Variants in FAM135B observed in about 807,000 individuals in gnomAD.
The protein encoded by FAM135B is protein FAM135B.
Under a neutral mutation model 127.7 loss-of-function variants are expected in FAM135B, and 43 were observed. The observed-to-expected ratio is 0.34, with a 90% CI of 0.26 to 0.43. The LOEUF (loss-of-function observed/expected upper bound fraction) is 0.43, where lower values mean the gene tolerates loss of function less well. FAM135B is among the 20% of genes least tolerant of loss of function. The pLI is 1.00. For synonymous variants in FAM135B, 670 were observed against 665.1 expected (o/e 1.01, Z -0.11); for missense variants, 1,558 against 1,725.6 (o/e 0.90, Z 1.72).
At chr8:138,475,925 G>A (rs1814404660) in intron 1 of FAM135B, among the ~76,000 whole-genome samples, 1 of 152,134 alleles carries the variant, frequency 6.6e-6, no homozygotes, top group Non-Finnish European at 1.5e-5. Context: ...GTTTATAGTA[G>A]CTTTATTCAT....
intron 3 of FAM135B, among the ~76,000 whole-genome samples, chr8:138,300,434 A>G (rs1825803074): frequency 6.6e-6 from 1 of 152,054 alleles, no homozygotes; most frequent in African/African-American, 2.4e-5. Flanking sequence ...GTTCCTTTTC[A>G]AGATTACAGT....
rs142957578 is a variant in FAM135B at position 138,192,515 on chromosome 8, T to C, written c.873+2743A>G. 1.3e-4 allele frequency among the ~76,000 whole-genome samples: 20 copies of C among 152,272 alleles called. No individual in the cohort carries two copies. In the East Asian group the frequency reaches 3.5e-3, roughly 26 times the overall value. Reference sequence around the variant, plus strand: ...TGCTTCTGTGGAATAATATCACTATTGTAAAACCTAAGATCAGTGCTCGAG... The same window carrying C: ...TGCTTCTGTGGAATAATATCACTATCGTAAAACCTAAGATCAGTGCTCGAG... On this transcript the variant is annotated intron_variant, in intron 9 of 19. Coordinates refer to ENST00000395297, the MANE Select transcript of FAM135B (RefSeq NM_015912.4).
rs532099055 is a variant in FAM135B, at chr8:138,143,231, T to A, written c.3541-122A>T. On this transcript the variant is annotated intron_variant, in intron 15 of 19. Transcript: ENST00000395297. The stretch of plus-strand genomic sequence containing the variant: ...ACTGGGGATGTGCCTACCTCTGATG[T>A]TACGGCTACAGGATAAGATATGACT... 8.3e-5 allele frequency: 52 copies of A among 624,256 alleles called. 2 individuals are homozygous for A. In the South Asian group the frequency reaches 9.8e-4, roughly 12 times the overall value. The allele number at this position is 624,256 out of a possible 1,614,324, so 38.7% of individuals were successfully genotyped here.
chr8:138,492,467 C>T (rs1160664850), intron 1 of FAM135B, among the ~76,000 whole-genome samples: 3 of 152,110 alleles, frequency 2.0e-5, no homozygotes, highest in Admixed American at 6.5e-5. Context: ...TGTTGGATCT[C>T]GCTAACCTGG....
At chr8:138,234,411 C>T (rs1820118214) in intron 7 of FAM135B, among the ~76,000 whole-genome samples, 1 of 152,176 alleles carries the variant, frequency 6.6e-6, no homozygotes, top group African/African-American at 2.4e-5. Flanking sequence ...GAGAAATCTG[C>T]ACTCCCTTGT....
chr8:138,132,242 A>T lies in FAM135B; in HGVS notation c.*351T>A, dbSNP rs1816272431. The T allele has an allele frequency of 1.2e-5, 3 of 257,854 alleles. No homozygotes were observed. Among genetic ancestry groups the T allele is most frequent in the African/African-American group, 6.7e-5 (3 of 44,798 alleles). The allele number at this position is 257,854 out of a possible 1,614,324, so 16.0% of individuals were successfully genotyped here. A position where few individuals can be genotyped will look rare whatever the true frequency, so the allele number is the denominator to read the frequency against. On this transcript the variant is annotated 3_prime_UTR_variant, in exon 20 of 20. Coordinates refer to ENST00000395297, the MANE Select transcript of FAM135B (RefSeq NM_015912.4). This position sits in a 1 kb window ranked among gnomAD's most constrained non-coding sequence, Gnocchi z 4.5. Reference sequence around the variant, plus strand: ...CTATAAGCTAGTAACATATTCGGCAAGTCTAGTTAAATTGGAGTAATCTCT... The same window carrying T: ...CTATAAGCTAGTAACATATTCGGCATGTCTAGTTAAATTGGAGTAATCTCT...
rs2130454882 is a variant in FAM135B, at chr8:138,130,179, C to T, written c.*2414G>A. ...TTTTTACAATCAATAATAGAATGTC[C>T]CTGTTTTACATAATATATATTTATA... On this transcript the variant is annotated 3_prime_UTR_variant, in exon 20 of 20. Transcript: ENST00000395297. 1 of 149,822 alleles carries T rather than the reference C, an allele frequency of 6.7e-6. No individual in the cohort carries two copies. The highest frequency in any genetic ancestry group is 2.1e-4 in the South Asian group (1 of 4,758). The allele number at this position is 149,822 out of a possible 1,614,324, so 9.3% of individuals were successfully genotyped here.
rs756413565 is a variant in FAM135B at position 138,153,042 on chromosome 8, C to T, written c.1433G>A (p.Arg478Lys). ...SQMDSDEEVIRCPEPGENVAT... is the reference protein window; with the variant it reads ...SQMDSDEEVIKCPEPGENVAT... ...CACATTCTCACCTGGCTCTGGACAC[C>T]TTATAACTTCTTCATCAGAATCCAT... is the stretch of plus-strand genomic sequence containing the variant. The change falls in exon 13 of 20, where the codon AGG becomes AAG. Residue 478 changes from arginine (R) to lysine (K), a missense_variant. This residue lies in a region of FAM135B where 923 missense variants were observed against 865.3 expected (regional missense o/e 1.07). Transcript: ENST00000395297. The T allele has an allele frequency of 1.2e-6, 2 of 1,613,998 alleles. No homozygotes were observed. Among genetic ancestry groups the T allele is most frequent in the South Asian group, 2.2e-5 (2 of 91,084 alleles).
chr8:138,197,956 C>T (rs545633033), intron 7 of FAM135B, among the ~76,000 whole-genome samples: 12 of 152,264 alleles, frequency 7.9e-5, no homozygotes, highest in East Asian at 1.9e-4. Flanking sequence ...ACAATAATAA[C>T]GAATGATCAT....
intron 7 of FAM135B, among the ~76,000 whole-genome samples, chr8:138,217,935 C>T (rs1818699596): frequency 6.6e-6 from 1 of 152,106 alleles, no homozygotes; most frequent in Admixed American, 6.6e-5. Flanking sequence ...TCTTTTAGGC[C>T]ATCTCATAAA....
At chr8:138,368,539 A>C (rs192333535) in intron 1 of FAM135B, among the ~76,000 whole-genome samples, 277 of 152,328 alleles carry the variant, frequency 1.8e-3, no homozygotes, top group African/African-American at 5.7e-3. Flanking sequence ...TTTTGCTACC[A>C]TTGTTAATAA....
At chr8:138,284,930 C>T (rs551210558) in intron 3 of FAM135B, among the ~76,000 whole-genome samples, 2 of 151,998 alleles carry the variant, frequency 1.3e-5, no homozygotes, top group East Asian at 1.9e-4. Flanking sequence ...AGTTGCTCAA[C>T]AGATATTGGC....
chr8:138,456,786 T>A (rs1271671193), intron 1 of FAM135B, among the ~76,000 whole-genome samples: 1 of 152,136 alleles, frequency 6.6e-6, no homozygotes, highest in Non-Finnish European at 1.5e-5. Context: ...ACATTCATAT[T>A]GTAAGGGAAA....
intron 7 of FAM135B, among the ~76,000 whole-genome samples, chr8:138,229,258 C>T (rs1819725273): frequency 6.6e-6 from 1 of 152,148 alleles, no homozygotes; most frequent in East Asian, 1.9e-4. Flanking sequence ...CTGCTAGAAC[C>T]TGAGTCTGAA....
rs1294743933 is a variant in FAM135B, at chr8:138,132,701, G to A, written c.4113C>T (p.Pro1371=). The stretch of plus-strand genomic sequence containing the variant: ...GGCCGATCAGGGTGTTGGCAGTGTT[G>A]GGCAGGGCGTGGAACACGTTGTGTC... ...LIRHNVFHAL[P]NTANTLIGRA... Residue 1371 remains proline (P), a synonymous_variant, in exon 20 of 20, where the codon CCC becomes CCT. Transcript: ENST00000395297. The surrounding 1 kb of genome is among the most constrained non-coding windows in gnomAD (Gnocchi z 4.5). The A allele has an allele frequency of 1.2e-6, 2 of 1,614,190 alleles. No homozygotes were observed.
intron 1 of FAM135B, among the ~76,000 whole-genome samples, chr8:138,424,490 T>G (rs952273981): frequency 6.6e-6 from 1 of 152,194 alleles, no homozygotes; most frequent in African/African-American, 2.4e-5. Context: ...CAAATGGGTA[T>G]CTACTTTAAA....
chr8:138,299,173 T>A (rs1825697700), intron 3 of FAM135B, among the ~76,000 whole-genome samples: 1 of 151,848 alleles, frequency 6.6e-6, no homozygotes, highest in South Asian at 2.1e-4. Flanking sequence ...AGCAATTATA[T>A]TAAAATATAC....
rs71316322 is a variant in FAM135B, at chr8:138,142,288, CTTTTTTTTTTT to C, written c.3638+713_3638+723del. On this transcript the variant is annotated intron_variant, in intron 16 of 19. Transcript: ENST00000395297. ...GGGTGGGCAACTCATTCTGCTTCTT[CTTTTTTTTTTT>C]TTTTTTTTTTTTTTTTTTTGAGATG... 1.6e-3 allele frequency among the ~76,000 whole-genome samples: 102 copies of C among 62,396 alleles called. 1 individual carries two copies. The highest frequency in any genetic ancestry group is 5.0e-3 in the African/African-American group (86 of 17,066). The allele number at this position is 62,396 out of a possible 152,430, so 40.9% of individuals were successfully genotyped here.
chr8:138,328,683 A>G (rs995179711), intron 2 of FAM135B, among the ~76,000 whole-genome samples: 5 of 152,214 alleles, frequency 3.3e-5, no homozygotes, highest in African/African-American at 1.2e-4. Context: ...ATATAAGTGT[A>G]GTGGTTAAGG....
Sources: gnomAD v4.1 joint callset for allele counts (sites outside exome capture counted in the v4.1 genomes callset) on GRCh38, gnomAD v4.1.1 for gene constraint, gnomAD v4.1.1 regional missense constraint, Gnocchi (gnomAD v3.1) non-coding constraint, MANE v1.5 for transcripts, NCBI Gene and HGNC (gene_info 2026-07-23, HGNC 2026-07-21) for gene names.